Variants in ESR1 observed in about 807,000 individuals in gnomAD.
ESR1 encodes estrogen receptor.
Under a neutral mutation model 52.7 loss-of-function variants are expected in ESR1, and 12 were observed. The ratio of observed to expected loss-of-function variants is 0.23; its 90% CI spans 0.15 to 0.37. The LOEUF (loss-of-function observed/expected upper bound fraction) is 0.37, where lower values mean the gene tolerates loss of function less well. Ranked by LOEUF, ESR1 falls within the 10% of genes least tolerant of loss-of-function variation. The pLI is 1.00. For synonymous variants in ESR1, 305 were observed against 316.8 expected, an observed-to-expected ratio of 0.96 and a Z score of 0.39; for missense variants, 584 against 779.7, an observed-to-expected ratio of 0.75 and a Z score of 2.99.
At chr6:151,875,111 A>G (rs1404942641) in intron 2 of ESR1, among the ~76,000 whole-genome samples, 2 of 152,240 alleles carry the variant, frequency 1.3e-5, no homozygotes, top group African/African-American at 4.8e-5. Flanking sequence ...GCAAGGCCTC[A>G]AAACGGAAAG....
chr6:151,854,059 G>A (rs1168031376), intron 2 of ESR1, among the ~76,000 whole-genome samples: 2 of 152,110 alleles, frequency 1.3e-5, no homozygotes, highest in African/African-American at 4.8e-5. Context: ...ATAGAGAACT[G>A]TTGTCAGTAG....
At chr6:151,797,177 G>C (rs1477142480) in intron 2 of ESR1, among the ~76,000 whole-genome samples, 3 of 152,282 alleles carry the variant, frequency 2.0e-5, no homozygotes, top group Admixed American at 1.3e-4. Flanking sequence ...CTCATGGGCA[G>C]AGGTGGGAAA....
chr6:151,912,902 C>T (rs1447629933), intron 3 of ESR1, among the ~76,000 whole-genome samples: 1 of 151,944 alleles, frequency 6.6e-6, no homozygotes, highest in Non-Finnish European at 1.5e-5. Context: ...TGGAGCATCA[C>T]ACAACGGGGC....
At chr6:152,022,542 C>T (rs116439740) in intron 5 of ESR1, among the ~76,000 whole-genome samples, 6 of 152,200 alleles carry the variant, frequency 3.9e-5, no homozygotes, top group African/African-American at 1.4e-4. Flanking sequence ...TATCCAAAGG[C>T]CTGAGGTCAA....
intron 7 of ESR1, among the ~76,000 whole-genome samples, chr6:152,096,171 A>G (rs1031836464): frequency 1.3e-5 from 2 of 152,236 alleles, no homozygotes; most frequent in Non-Finnish European, 2.9e-5. Context: ...TGAAGCCACA[A>G]TGACGATGTC....
chr6:151,781,058 T>C (rs1786497289), intron 2 of ESR1, among the ~76,000 whole-genome samples: 1 of 152,268 alleles, frequency 6.6e-6, no homozygotes, highest in Non-Finnish European at 1.5e-5. Flanking sequence ...AAAACTTCTT[T>C]CAAAGTAGAA....
At chr6:151,665,400 T>C (rs1777784823) in intron 1 of ESR1, among the ~76,000 whole-genome samples, 2 of 152,192 alleles carry the variant, frequency 1.3e-5, no homozygotes, top group Non-Finnish European at 2.9e-5. Flanking sequence ...TAAACTGGCC[T>C]CAGAGAGATT....
intron 2 of ESR1, among the ~76,000 whole-genome samples, chr6:151,850,175 A>G (rs1005255194): frequency 3.9e-5 from 2 of 51,370 alleles, no homozygotes; most frequent in Non-Finnish European, 7.8e-5. Flanking sequence ...TTGAAGTCCT[A>G]ATGCTCAGTG....
intron 5 of ESR1, among the ~76,000 whole-genome samples, chr6:152,021,290 T>C (rs147704069): frequency 2.5e-3 from 376 of 152,266 alleles, no homozygotes; most frequent in African/African-American, 8.4e-3. Context: ...CCCTTGAGCA[T>C]TGGACTCCAA....
intron 3 of ESR1, among the ~76,000 whole-genome samples, chr6:151,885,346 C>A (rs1793664056): frequency 6.6e-6 from 1 of 152,180 alleles, no homozygotes; most frequent in Non-Finnish European, 1.5e-5. Context: ...GAGCTTTAAA[C>A]AACCACTCCC....
chr6:151,810,767 T>C (rs1778692331), intron 1 of ESR1, among the ~76,000 whole-genome samples: 2 of 152,344 alleles, frequency 1.3e-5, no homozygotes, highest in South Asian at 4.1e-4. Flanking sequence ...TGTGTGCTGA[T>C]TGTGATGTAA....
chr6:151,980,454 C>T lies in ESR1; in HGVS notation c.1097-31202C>T, dbSNP rs549318319. Among the ~76,000 whole-genome samples the T allele has an allele frequency of 2.6e-5, 4 of 152,240 alleles. No homozygotes were observed. In the South Asian group the frequency reaches 8.3e-4, roughly 32 times the overall value. On this transcript the variant is annotated intron_variant, in intron 4 of 7. Transcript: ENST00000206249. Reference sequence around the variant, plus strand: ...GGGGGAGAAGCAATAAAGGAAACAACATATGTTTTTTCCTAAATAGGAGGC... The same window carrying T: ...GGGGGAGAAGCAATAAAGGAAACAATATATGTTTTTTCCTAAATAGGAGGC...
chr6:151,985,534 C>CAAAA (rs2040399750), intron 4 of ESR1, among the ~76,000 whole-genome samples: 7 of 90,018 alleles, frequency 7.8e-5, no homozygotes, highest in African/African-American at 3.1e-4. Context: ...AAAAAAAAAA[C>CAAAA]ACAAACAAAA....
chr6:151,670,988 G>A (rs1160700729), intron 1 of ESR1, among the ~76,000 whole-genome samples: 6 of 151,930 alleles, frequency 3.9e-5, no homozygotes, highest in African/African-American at 9.7e-5. Context: ...GGCTGGTCTC[G>A]AACTCCTGGC....
rs1002517841 is a variant in ESR1 at position 152,099,335 on chromosome 6, G to C, written c.*369G>C. ...CCCAGGCCTGGAGAGTAGACATTTT[G>C]CCTCTGATAAGCACTTTTTAAATGG... On this transcript the variant is annotated 3_prime_UTR_variant, in exon 8 of 8. Coordinates refer to ENST00000206249, the MANE Select transcript of ESR1 (RefSeq NM_000125.4). The C allele has an allele frequency of 3.4e-5, 13 of 383,318 alleles. No individual in the cohort carries two copies. Among genetic ancestry groups the C allele is most frequent in the Non-Finnish European group, 5.8e-5 (12 of 205,544 alleles). The allele number at this position is 383,318 out of a possible 1,614,324, so 23.7% of individuals were successfully genotyped here. A position where few individuals can be genotyped will look rare whatever the true frequency, so the allele number is the denominator to read the frequency against.
chr6:151,837,952 T>A (rs1323196934), intron 1 of ESR1, among the ~76,000 whole-genome samples: 1 of 152,178 alleles, frequency 6.6e-6, no homozygotes, highest in East Asian at 1.9e-4. Context: ...ATATTTTGAA[T>A]CTTTTAAAGA....
chr6:152,076,138 T>G (rs922998331), intron 6 of ESR1, among the ~76,000 whole-genome samples: 3 of 152,222 alleles, frequency 2.0e-5, no homozygotes, highest in African/African-American at 7.2e-5. Context: ...TCTTGAATTT[T>G]ACTCACATAA....
At chr6:151,974,021 T>C (rs1387637174) in intron 4 of ESR1, among the ~76,000 whole-genome samples, 1 of 152,176 alleles carries the variant, frequency 6.6e-6, no homozygotes, top group Non-Finnish European at 1.5e-5. Context: ...CAGCCATAGA[T>C]GATATGTAAA....
intron 2 of ESR1, among the ~76,000 whole-genome samples, chr6:151,770,380 T>A (rs1785413468): frequency 6.6e-6 from 1 of 152,154 alleles, no homozygotes; most frequent in Admixed American, 6.5e-5. Flanking sequence ...ATTTCTTAAA[T>A]GAAGAGGCTC....
Sources: allele counts gnomAD v4.1 joint callset (sites outside exome capture counted in the v4.1 genomes callset), GRCh38; gene constraint gnomAD v4.1.1; transcripts MANE v1.5; gene names NCBI Gene and HGNC (gene_info 2026-07-23, HGNC 2026-07-21).